The following LZTS3 variants were observed in gnomAD, a reference collection of about 807,000 sequenced individuals.
The protein encoded by LZTS3 is leucine zipper putative tumor suppressor 3.
In LZTS3, 16 loss-of-function variants were observed where a neutral mutation model predicts 50.9. The ratio of observed to expected loss-of-function variants is 0.31; its 90% CI spans 0.21 to 0.48. The LOEUF (loss-of-function observed/expected upper bound fraction) is 0.48. Ranked by LOEUF, LZTS3 falls within the 20% of genes least tolerant of loss-of-function variation. The pLI is 0.99. For missense variants in LZTS3, 816 were observed against 931.0 expected, an observed-to-expected ratio of 0.88 and a Z score of 1.61; for synonymous variants, 408 against 410.6, an observed-to-expected ratio of 0.99 and a Z score of 0.08.
intron 1 of LZTS3, chr20:3,168,347 GGGGGAGGGGA>G (rs1304813279): frequency 6.6e-5 from 10 of 152,182 alleles, no homozygotes; most frequent in African/African-American, 2.4e-4. Flanking sequence ...CAGGTGGGAG[GGGGGAGGGGA>G]GGGGAGGGGC....
Position 3,165,394 on chromosome 20 carries a change from C to CAG in LZTS3, c.1323+102_1323+103insCT. On this transcript the variant is annotated intron_variant, in intron 4 of 4. Coordinates refer to ENST00000337576, the MANE Select transcript of LZTS3 (RefSeq NM_001365618.1). The surrounding 1 kb of genome is among the most constrained non-coding windows in gnomAD (Gnocchi z 5.0). Reference sequence around the variant, plus strand: ...TTTTGTCCCCCCTGCTCCTTTCATCCCCCCCCCCATCCCACCGTTATGATA... The same window carrying CAG: ...TTTTGTCCCCCCTGCTCCTTTCATCCAGCCCCCCCCATCCCACCGTTATGATA... 2 of 980,970 alleles carry CAG rather than the reference C, an allele frequency of 2.0e-6. No homozygotes were observed. Among genetic ancestry groups the CAG allele is most frequent in the African/African-American group, 3.8e-5 (2 of 52,228 alleles). 60.8% of individuals were successfully genotyped at this position (980,970 alleles called of 1,614,324 possible).
intron 2 of LZTS3, 62 bp downstream of exon 2, chr20:3,167,676 G>T: frequency 1.0e-6 from 1 of 986,916 alleles, no homozygotes; most frequent in South Asian, 4.7e-5. Context: ...GAAATTAGGG[G>T]AGGGAGAGAA....
In LZTS3 at chr20:3,167,867, C is replaced by T; in HGVS notation, c.-148G>A. The stretch of plus-strand genomic sequence containing the variant: ...CCCTCCGAGGCCCGGTCTGCAGGGG[C>T]CATGTGCCTCACTCTCGCAGTCGGG... On this transcript the variant is annotated 5_prime_UTR_variant, in exon 2 of 5. Transcript: ENST00000337576. 1.0e-6 allele frequency: 1 copy of T among 985,382 alleles called. No homozygotes were observed. The highest frequency in any genetic ancestry group is 1.2e-6 in the Non-Finnish European group (1 of 829,908). The allele number at this position is 985,382 out of a possible 1,614,324, so 61.0% of individuals were successfully genotyped here.
In LZTS3 at chr20:3,166,749, T is replaced by C; in HGVS notation, c.415A>G (p.Ser139Gly). 6.2e-7 allele frequency: 1 copy of C among 1,613,876 alleles called. No individual in the cohort carries two copies. Residue 139 changes from serine (S) to glycine (G), a missense_variant, in exon 3 of 5, where the codon AGC (serine) becomes GGC (glycine). Coordinates refer to ENST00000337576, the MANE Select transcript of LZTS3 (RefSeq NM_001365618.1). ...DKAPPQYREP[S>G]HPPKLLATSG... The stretch of plus-strand genomic sequence containing the variant: ...GTGGCCAGGAGCTTGGGTGGGTGGC[T>C]GGGCTCACGATACTGCGGTGGGGCT...
Position 3,164,641 on chromosome 20 carries a change from A to ACCTTCT in LZTS3, c.1829_1834dup (p.Glu610_Lys611dup), listed in dbSNP as rs1228175729. On this transcript the variant is annotated inframe_insertion, in exon 5 of 5. Coordinates refer to ENST00000337576, the MANE Select transcript of LZTS3 (RefSeq NM_001365618.1). ...CTGCAGCTGCTTCTGGTACTCGATCACCTTCTCCTTCTCCTCCAGCCACAC... is the reference window on the plus strand; with the variant it reads ...CTGCAGCTGCTTCTGGTACTCGATCACCTTCTCCTTCTCCTTCTCCTCCAGCCACAC... The ACCTTCT allele has an allele frequency of 6.2e-7, 1 of 1,612,426 alleles. No individual in the cohort carries two copies. The highest frequency in any genetic ancestry group is 2.2e-5 in the East Asian group (1 of 44,706).
At position 3,165,276 on chromosome 20, in the gene LZTS3, A is replaced by T; in HGVS notation, c.1324-124T>A. 1 of 1,181,352 alleles carries T rather than the reference A, an allele frequency of 8.5e-7. No homozygotes were observed. The highest frequency in any genetic ancestry group is 1.2e-6 in the Non-Finnish European group (1 of 869,504). 73.2% of individuals were successfully genotyped at this position (1,181,352 alleles called of 1,614,324 possible). A position where few individuals can be genotyped will look rare whatever the true frequency, so the allele number is the denominator to read the frequency against. ...GGGGCTGCAGGCTCAGCCCCTCATC[A>T]GCAGCGACGCACCCGATTCCCTGCC... On this transcript the variant is annotated intron_variant, in intron 4 of 4. Transcript: ENST00000337576. This position sits in a 1 kb window ranked among gnomAD's most constrained non-coding sequence, Gnocchi z 5.0.
chr20:3,167,556 T>G (rs1184315177), intron 2 of LZTS3, 182 bp downstream of exon 2: 11 of 1,016,438 alleles, frequency 1.1e-5, no homozygotes, highest in Non-Finnish European at 1.3e-5. Context: ...CCCCAGAATT[T>G]TGGGGTTCTT....
chr20:3,165,407 C>CA lies in LZTS3; in HGVS notation c.1323+89dup. On this transcript the variant is annotated intron_variant, in intron 4 of 4. Transcript: ENST00000337576. This position sits in a 1 kb window ranked among gnomAD's most constrained non-coding sequence, Gnocchi z 5.0. ...GCTCCTTTCATCCCCCCCCCCATCC[C>CA]ACCGTTATGATAGTGAGGGGCAACT... is the stretch of plus-strand genomic sequence containing the variant. The CA allele has an allele frequency of 3.4e-6, 4 of 1,191,962 alleles. No individual in the cohort carries two copies. Among genetic ancestry groups the CA allele is most frequent in the Non-Finnish European group, 3.4e-6 (3 of 888,774 alleles). 73.8% of individuals were successfully genotyped at this position (1,191,962 alleles called of 1,614,324 possible). A position where few individuals can be genotyped will look rare whatever the true frequency, so the allele number is the denominator to read the frequency against.
chr20:3,170,514 G>C (rs1308032519), intron 1 of LZTS3, among the ~76,000 whole-genome samples: 1 of 92,662 alleles, frequency 1.1e-5, no homozygotes, highest in Non-Finnish European at 2.2e-5. Flanking sequence ...AAACAGGTTG[G>C]CGCGGTGGCT....
intron 2 of LZTS3, 85 bp downstream of exon 2, chr20:3,167,653 G>A: frequency 2.0e-6 from 2 of 988,152 alleles, no homozygotes; most frequent in Non-Finnish European, 2.4e-6. Flanking sequence ...AATCCAACAG[G>A]GAACCAACCT....
chr20:3,164,261 A>G lies in LZTS3; in HGVS notation c.*193T>C. The stretch of plus-strand genomic sequence containing the variant: ...TATTCCCTCCTTTTAGGGGGGTCCA[A>G]GTGGGCTGCCACGGGGGCAGTGCTG... On this transcript the variant is annotated 3_prime_UTR_variant, in exon 5 of 5. Transcript: ENST00000337576. 1 of 520,100 alleles carries G rather than the reference A, an allele frequency of 1.9e-6. No homozygotes were observed. Among genetic ancestry groups the G allele is most frequent in the East Asian group, 3.5e-5 (1 of 28,684 alleles). The allele number at this position is 520,100 out of a possible 1,614,324, so 32.2% of individuals were successfully genotyped here. A position where few individuals can be genotyped will look rare whatever the true frequency, so the allele number is the denominator to read the frequency against.
At position 3,166,119 on chromosome 20, in the gene LZTS3, T is replaced by G. The variant is rs755385847; in HGVS notation, c.701A>C (p.Tyr234Ser). ...LTSLPTYSSS[Y>S]SQHLAPLSAS... is the part of the protein sequence containing the mutation. ...ACTGAGGGGTGCCAGGTGCTGGCTG[T>G]AGCTGGAGCTGTAGGTGGGCAGGCT... The change falls in exon 4 of 5, where the codon TAC (tyrosine) becomes TCC (serine). Residue 234 changes from tyrosine to serine, a missense_variant. Physicochemically the swap from Tyr to Ser is moderately radical, Grantham distance 144. Around this residue, in one of 3 missense-constraint regions of LZTS3, gnomAD observed 700 missense variants for 769.4 expected, o/e 0.91. Coordinates refer to ENST00000337576, the MANE Select transcript of LZTS3 (RefSeq NM_001365618.1). The G allele has an allele frequency of 6.8e-6, 11 of 1,612,816 alleles. No individual in the cohort carries two copies. The highest frequency in any genetic ancestry group is 2.2e-5 in the East Asian group (1 of 44,848).
chr20:3,171,955 G>T lies in LZTS3; in HGVS notation c.-243+1500C>A, dbSNP rs570817898. ...ACTCTACCTGACAGTTACATGTACA[G>T]GTACCTCCAACCCACCCCTCAACCT... On this transcript the variant is annotated intron_variant, in intron 1 of 4. Coordinates refer to ENST00000337576, the MANE Select transcript of LZTS3 (RefSeq NM_001365618.1). 6.6e-5 allele frequency among the ~76,000 whole-genome samples: 10 copies of T among 152,254 alleles called. No individual in the cohort carries two copies. The South Asian group carries it at 2.1e-3, about 32-fold the overall frequency.
At position 3,165,125 on chromosome 20, in the gene LZTS3, G is replaced by A; in HGVS notation, c.1351C>T (p.Leu451Phe). 6.3e-7 allele frequency: 1 copy of A among 1,583,956 alleles called. No individual in the cohort carries two copies. Among genetic ancestry groups the A allele is most frequent in the Non-Finnish European group, 8.6e-7 (1 of 1,165,922 alleles). ...GAGTCCTTCAGCTGCTGCTTCAGGA[G>A]GGAGATCTCGCCAGCCTTCTGGCAC... ...EVCQKAGEIS[L>F]LKQQLKDSQA... Residue 451 changes from leucine to phenylalanine, a missense_variant, in exon 5 of 5, where the codon CTC becomes TTC. This residue lies in a region of LZTS3 where 700 missense variants were observed against 769.4 expected (regional missense o/e 0.91). Transcript: ENST00000337576. The surrounding 1 kb of genome is among the most constrained non-coding windows in gnomAD (Gnocchi z 5.0).
In LZTS3 at chr20:3,173,514, G is replaced by A. The variant is rs2066924313; in HGVS notation, c.-302C>T. The A allele has an allele frequency of 1.3e-5, 2 of 151,480 alleles. No individual in the cohort carries two copies. Among genetic ancestry groups the A allele is most frequent in the South Asian group, 4.1e-4 (2 of 4,836 alleles). The allele number at this position is 151,480 out of a possible 1,614,324, so 9.4% of individuals were successfully genotyped here. A position where few individuals can be genotyped will look rare whatever the true frequency, so the allele number is the denominator to read the frequency against. On this transcript the variant is annotated 5_prime_UTR_variant, in exon 1 of 5. Transcript: ENST00000337576. ...ACGGGCGCCACCGGCCCCGCTTGCT[G>A]GCGCAGCCCGAAGCACGCCCGGCGG...
rs766007258 is a variant in LZTS3 at position 3,166,697 on chromosome 20, G to A, written c.459+8C>T. On this transcript the variant is annotated splice_region_variant and intron_variant, in intron 3 of 4. Coordinates refer to ENST00000337576, the MANE Select transcript of LZTS3 (RefSeq NM_001365618.1). ...AGGCTGTGAGGGTCTCAGGCCCTGC[G>A]GACTGACCTGGTCTAGCTTGCCAGA... 1.2e-5 allele frequency: 19 copies of A among 1,610,188 alleles called. No homozygotes were observed. The highest frequency in any genetic ancestry group is 3.3e-5 in the South Asian group (3 of 90,994).
At chr20:3,171,141 A>C (rs1334000877) in intron 1 of LZTS3, among the ~76,000 whole-genome samples, 1 of 152,138 alleles carries the variant, frequency 6.6e-6, no homozygotes, top group Non-Finnish European at 1.5e-5. Flanking sequence ...GTAAACTATA[A>C]GGGGCAATAC....
Position 3,166,947 on chromosome 20 carries a change from C to T in LZTS3, c.217G>A (p.Gly73Ser), listed in dbSNP as rs529760136. 14 of 1,607,368 alleles carry T rather than the reference C, an allele frequency of 8.7e-6. No individual in the cohort carries two copies. Among genetic ancestry groups the T allele is most frequent in the Admixed American group, 1.7e-5 (1 of 59,834 alleles). ...GSQGSFPGPR[G>S]SGSGASRERP... is the part of the protein sequence containing the mutation. ...TCCCTGCTGGCCCCACTGCCACTGCCTCGGGGGCCAGGGAAACTGCCCTGG... is the reference window on the plus strand; with the variant it reads ...TCCCTGCTGGCCCCACTGCCACTGCTTCGGGGGCCAGGGAAACTGCCCTGG... The change falls in exon 3 of 5, where the codon GGC (glycine) becomes AGC (serine). Residue 73 changes from glycine (G) to serine (S), a missense_variant. Physicochemically the swap from Gly to Ser is moderately conservative, Grantham distance 56 (BLOSUM62 0). Around this residue, in one of 3 missense-constraint regions of LZTS3, gnomAD observed 700 missense variants for 769.4 expected, o/e 0.91. Transcript: ENST00000337576.
chr20:3,168,652 C>T (rs1340284928), intron 1 of LZTS3: 1 of 152,248 alleles, frequency 6.6e-6, no homozygotes, highest in Non-Finnish European at 1.5e-5. Context: ...AACACCTGCC[C>T]CAGAGATCTG....
Sources: allele counts gnomAD v4.1 joint callset (sites outside exome capture counted in the v4.1 genomes callset), GRCh38; gene constraint gnomAD v4.1.1; regional missense constraint gnomAD v4.1.1; non-coding constraint Gnocchi (gnomAD v3.1); transcripts MANE v1.5; gene names NCBI Gene and HGNC (gene_info 2026-07-23, HGNC 2026-07-21).